TRIM2: variants seen among roughly 807,000 people sequenced by gnomAD.
The protein encoded by TRIM2 is tripartite motif containing 2.
TRIM2 carries 20 observed loss-of-function variants against 75.2 expected under a neutral mutation model. The observed-to-expected ratio is 0.27, with a 90% confidence interval of 0.19 to 0.39. The LOEUF (loss-of-function observed/expected upper bound fraction) is 0.39. Among genes scored for constraint, TRIM2 ranks in the 10% least tolerant of loss-of-function variants. The pLI, the probability that TRIM2 is intolerant of heterozygous loss-of-function variation, is 1.00. For missense variants in TRIM2, 660 were observed against 990.8 expected, an observed-to-expected ratio of 0.67 and a Z score of 4.48; for synonymous variants, 373 against 388.3, an observed-to-expected ratio of 0.96 and a Z score of 0.46.
At chr4:153,239,999 A>G (rs1746130382) in intron 1 of TRIM2, among the ~76,000 whole-genome samples, 1 of 151,826 alleles carries the variant, frequency 6.6e-6, no homozygotes, top group African/African-American at 2.4e-5. Context: ...ACGCCCAGCT[A>G]ATTTTTCTAT....
intron 1 of TRIM2, among the ~76,000 whole-genome samples, chr4:153,155,773 T>G (rs937657696): frequency 6.6e-6 from 1 of 152,196 alleles, no homozygotes; most frequent in Admixed American, 6.5e-5. Context: ...ACTCCAAGAT[T>G]CTGACTTAAC....
intron 6 of TRIM2, among the ~76,000 whole-genome samples, chr4:153,312,911 G>T (rs1327331165): frequency 6.6e-6 from 1 of 151,984 alleles, no homozygotes; most frequent in Non-Finnish European, 1.5e-5. Flanking sequence ...CTGTTACCTA[G>T]CTATTATTCA....
chr4:153,293,175 T>G (rs199884285), intron 4 of TRIM2, 42 bp downstream of exon 4: 43 of 1,575,096 alleles, frequency 2.7e-5, no homozygotes, highest in African/African-American at 1.3e-5. Context: ...CTGCCTGTAC[T>G]TGAGGCCTGG....
chr4:153,337,382 T>C lies in TRIM2; in HGVS notation c.*2416T>C. On this transcript the variant is annotated 3_prime_UTR_variant, in exon 12 of 12. Transcript: ENST00000338700. The stretch of plus-strand genomic sequence containing the variant: ...CTAGATATCTCAATAGTAGACTGAA[T>C]ACAAAGCTAATTTTTTTTACATGTC... The C allele has an allele frequency of 1.0e-6, 1 of 985,864 alleles. No individual in the cohort carries two copies. Among genetic ancestry groups the C allele is most frequent in the Non-Finnish European group, 1.2e-6 (1 of 829,928 alleles). 61.1% of individuals were successfully genotyped at this position (985,864 alleles called of 1,614,324 possible). A position where few individuals can be genotyped will look rare whatever the true frequency, so the allele number is the denominator to read the frequency against.
intron 1 of TRIM2, among the ~76,000 whole-genome samples, chr4:153,182,856 C>T (rs138137905): frequency 6.6e-6 from 1 of 152,316 alleles, no homozygotes; most frequent in East Asian, 1.9e-4. Flanking sequence ...GTCTAAGATG[C>T]TCTACCCACC....
At chr4:153,260,434 T>C in intron 1 of TRIM2, among the ~76,000 whole-genome samples, 1 of 152,002 alleles carries the variant, frequency 6.6e-6, no homozygotes, top group East Asian at 1.9e-4. Flanking sequence ...ATGGCCTTCT[T>C]TATATACTAA....
chr4:153,279,467 T>TAAC (rs869076197), intron 3 of TRIM2, among the ~76,000 whole-genome samples: 11 of 83,756 alleles, frequency 1.3e-4, no homozygotes, highest in Non-Finnish European at 2.0e-4. Flanking sequence ...ATTTAATCAA[T>TAAC]AGAAAATAAT....
intron 1 of TRIM2, among the ~76,000 whole-genome samples, chr4:153,154,181 G>A (rs774122285): frequency 6.6e-6 from 1 of 152,192 alleles, no homozygotes; most frequent in Non-Finnish European, 1.5e-5. Context: ...GTTTCAGAAC[G>A]TCCTGTTTAA....
chr4:153,229,870 C>A (rs1743151500), intron 1 of TRIM2, among the ~76,000 whole-genome samples: 1 of 152,088 alleles, frequency 6.6e-6, no homozygotes, highest in Non-Finnish European at 1.5e-5. Context: ...GATTTTTTTT[C>A]TAAGCATTTT....
chr4:153,303,948 A>G (rs1209235395), intron 6 of TRIM2, among the ~76,000 whole-genome samples: 1 of 152,118 alleles, frequency 6.6e-6, no homozygotes, highest in African/African-American at 2.4e-5. Context: ...AGACGATGAG[A>G]TGCTTACTCT....
intron 6 of TRIM2, among the ~76,000 whole-genome samples, chr4:153,302,795 T>G (rs992718254): frequency 4.6e-5 from 7 of 152,224 alleles, no homozygotes; most frequent in African/African-American, 1.7e-4. Flanking sequence ...AAATACACTT[T>G]GATTATTGTT....
intron 2 of TRIM2, among the ~76,000 whole-genome samples, chr4:153,271,001 T>C (rs922903140): frequency 1.3e-5 from 2 of 152,218 alleles, no homozygotes; most frequent in African/African-American, 4.8e-5. Context: ...TGCTATGATG[T>C]TTTAGATAAA....
intron 1 of TRIM2, among the ~76,000 whole-genome samples, chr4:153,165,051 C>T (rs1415391651): frequency 2.6e-5 from 4 of 152,212 alleles, no homozygotes; most frequent in Admixed American, 2.0e-4. Flanking sequence ...TAATTCAAAA[C>T]GTTCCCGACA....
chr4:153,185,715 C>A (rs1193368478), intron 1 of TRIM2, among the ~76,000 whole-genome samples: 1 of 152,052 alleles, frequency 6.6e-6, no homozygotes, highest in Non-Finnish European at 1.5e-5. Flanking sequence ...GGAGGAGATG[C>A]CTCTATCTCT....
chr4:153,196,148 G>T (rs183897151), intron 1 of TRIM2, among the ~76,000 whole-genome samples: 1 of 152,162 alleles, frequency 6.6e-6, no homozygotes, highest in East Asian at 1.9e-4. Flanking sequence ...AACATTGGCC[G>T]GGCAGGGTGG....
chr4:153,197,236 C>T (rs1008963668), intron 1 of TRIM2, among the ~76,000 whole-genome samples: 1 of 152,164 alleles, frequency 6.6e-6, no homozygotes, highest in East Asian at 1.9e-4. Flanking sequence ...GAACTTTTCA[C>T]CTCCTTAATG....
intron 1 of TRIM2, among the ~76,000 whole-genome samples, chr4:153,172,882 G>A (rs1001671604): frequency 6.6e-6 from 1 of 152,196 alleles, no homozygotes; most frequent in Non-Finnish European, 1.5e-5. Flanking sequence ...AGCTCAGTGA[G>A]TTACAGCCAG....
chr4:153,193,927 G>T (rs1485898020), intron 1 of TRIM2, among the ~76,000 whole-genome samples: 3 of 152,190 alleles, frequency 2.0e-5, no homozygotes, highest in Non-Finnish European at 2.9e-5. Context: ...ATGTGCAGGT[G>T]AGAACAGGGA....
At chr4:153,332,413 G>A (rs1019509370) in intron 11 of TRIM2, among the ~76,000 whole-genome samples, 3 of 152,228 alleles carry the variant, frequency 2.0e-5, no homozygotes, top group Non-Finnish European at 4.4e-5. Flanking sequence ...GGGAGGCCAA[G>A]GCGGGTGGAT....
Sources: allele counts gnomAD v4.1 joint callset (sites outside exome capture counted in the v4.1 genomes callset), GRCh38; gene constraint gnomAD v4.1.1; transcripts MANE v1.5; gene names NCBI Gene and HGNC (gene_info 2026-07-23, HGNC 2026-07-21).